SLC26A7: variants seen among roughly 807,000 people sequenced by gnomAD.
SLC26A7 encodes solute carrier family 26 member 7.
SLC26A7 carries 59 observed loss-of-function variants against 82.5 expected under a neutral mutation model. That is an observed-to-expected ratio of 0.72 (90% CI 0.58 to 0.89). The LOEUF (loss-of-function observed/expected upper bound fraction) is 0.89. Ranked by LOEUF, SLC26A7 falls within the 40% of genes least tolerant of loss-of-function variation. The pLI is 0.00. For synonymous variants in SLC26A7, 271 were observed against 274.3 expected, an observed-to-expected ratio of 0.99 and a Z score of 0.12; for missense variants, 820 against 793.0, an observed-to-expected ratio of 1.03 and a Z score of -0.41.
At chr8:91,214,341 C>T (rs959754346) in intron 1 of SLC26A7, among the ~76,000 whole-genome samples, 2 of 152,092 alleles carry the variant, frequency 1.3e-5, no homozygotes, top group African/African-American at 2.4e-5. Flanking sequence ...CAAGTGAATA[C>T]GTTTAACCCT....
At chr8:91,377,336 T>G (rs1814545785) in intron 15 of SLC26A7, among the ~76,000 whole-genome samples, 1 of 152,100 alleles carries the variant, frequency 6.6e-6, no homozygotes, top group Admixed American at 6.5e-5. Flanking sequence ...CTACGTTTCC[T>G]TTGTCCCAGG....
chr8:91,332,449 T>TTTAA (rs1813116245), intron 5 of SLC26A7, among the ~76,000 whole-genome samples: 1 of 142,738 alleles, frequency 7.0e-6, no homozygotes. Flanking sequence ...TTAATATATA[T>TTTAA]TGAATATATA....
chr8:91,271,670 C>A (rs949443194), intron 2 of SLC26A7, among the ~76,000 whole-genome samples: 2 of 148,750 alleles, frequency 1.3e-5, no homozygotes, highest in Non-Finnish European at 3.0e-5. Context: ...TCTTGGCTCA[C>A]TGGAAGTTCT....
At chr8:91,259,562 ATCTGAATC>A (rs1810903383) in intron 2 of SLC26A7, among the ~76,000 whole-genome samples, 4 of 152,122 alleles carry the variant, frequency 2.6e-5, no homozygotes, top group Admixed American at 2.6e-4. Flanking sequence ...GCCCTTCAAT[ATCTGAATC>A]TCACCTTTCC....
intron 4 of SLC26A7, among the ~76,000 whole-genome samples, chr8:91,305,742 T>G (rs542642394): frequency 6.6e-6 from 1 of 152,294 alleles, no homozygotes; most frequent in South Asian, 2.1e-4. Flanking sequence ...TACACAAAAC[T>G]TAGATAGACA....
At chr8:91,352,875 T>C in intron 10 of SLC26A7, 26 bp from the exon 11 acceptor site, 1 of 1,557,766 alleles carries the variant, frequency 6.4e-7, no homozygotes, top group Non-Finnish European at 8.7e-7. Flanking sequence ...ATGTTGCTTC[T>C]TCTTCAACTT....
At position 91,289,163 on chromosome 8, in the gene SLC26A7, T is replaced by G. The variant is rs777254486; in HGVS notation, c.221T>G (p.Val74Gly). 2.5e-6 allele frequency: 4 copies of G among 1,614,076 alleles called. No individual in the cohort carries two copies. In the East Asian group the frequency reaches 8.9e-5, roughly 36 times the overall value. ...QGLAFAVLSS[V>G]HPVFGLYGSL... ...TTGGCCTTTGCTGTTCTCTCATCTG[T>G]GCACCCAGTGTTTGGTTTATATGGG... The change falls in exon 3 of 19, where the codon GTG (valine) becomes GGG (glycine). Residue 74 changes from valine (V) to glycine (G), a missense_variant. Physicochemically the swap from Val to Gly is moderately radical, Grantham distance 109. Transcript: ENST00000276609.
rs1406653354 is a variant in SLC26A7 at position 91,340,545 on chromosome 8, C to T, written c.1020C>T (p.Asp340=). The change falls in exon 8 of 19, where the codon GAC becomes GAT. Residue 340 remains aspartate, a synonymous_variant. Transcript: ENST00000276609. Reference sequence around the variant, plus strand: ...AAAAATTCAAATATTCAATTGATGACAACCAGGTGGAGTGTGCCCCCAGTC... The same window carrying T: ...AAAAATTCAAATATTCAATTGATGATAACCAGGTGGAGTGTGCCCCCAGTC... ...SAKKFKYSID[D]NQEFLAHGLS... is the part of the protein sequence containing the mutation. The T allele has an allele frequency of 6.2e-7, 1 of 1,613,706 alleles. No individual in the cohort carries two copies. The highest frequency in any genetic ancestry group is 1.3e-5 in the African/African-American group (1 of 74,886).
chr8:91,338,030 C>G lies in SLC26A7; in HGVS notation c.796-120C>G, dbSNP rs1463005320. The stretch of plus-strand genomic sequence containing the variant: ...TTATTTTTGAAAGTCTGTGCAACTG[C>G]TAGATTATTCTTGATGTTTATGGGA... On this transcript the variant is annotated intron_variant, in intron 6 of 18. Coordinates refer to ENST00000276609, the MANE Select transcript of SLC26A7 (RefSeq NM_052832.4). 2 of 538,386 alleles carry G rather than the reference C, an allele frequency of 3.7e-6. 1 individual carries two copies. The highest frequency in any genetic ancestry group is 6.0e-6 in the Non-Finnish European group (2 of 332,384). 33.4% of individuals were successfully genotyped at this position (538,386 alleles called of 1,614,324 possible). A position where few individuals can be genotyped will look rare whatever the true frequency, so the allele number is the denominator to read the frequency against.
At chr8:91,222,139 G>A (rs1178719856) in intron 2 of SLC26A7, among the ~76,000 whole-genome samples, 1 of 152,120 alleles carries the variant, frequency 6.6e-6, no homozygotes, top group East Asian at 1.9e-4. Flanking sequence ...TAGCAATTGT[G>A]AATGGGAGTT....
chr8:91,235,165 C>A (rs1033920598), intron 2 of SLC26A7, among the ~76,000 whole-genome samples: 3 of 152,144 alleles, frequency 2.0e-5, no homozygotes, highest in African/African-American at 7.2e-5. Flanking sequence ...CTCAAGCAAT[C>A]CTTTCACCTC....
chr8:91,256,586 A>G (rs551860733), intron 2 of SLC26A7, among the ~76,000 whole-genome samples: 3 of 152,196 alleles, frequency 2.0e-5, no homozygotes, highest in Admixed American at 1.3e-4. Context: ...CAGGACCTCC[A>G]CAGCCTGACA....
chr8:91,291,068 T>C (rs1811854749), intron 3 of SLC26A7, among the ~76,000 whole-genome samples: 2 of 152,198 alleles, frequency 1.3e-5, no homozygotes, highest in South Asian at 4.1e-4. Context: ...TATATGTTTA[T>C]GCATATTTGT....
chr8:91,318,131 A>G lies in SLC26A7; in HGVS notation c.478-85A>G, dbSNP rs550088896. 170 of 1,144,422 alleles carry G rather than the reference A, an allele frequency of 1.5e-4. 2 individuals are homozygous for G. The East Asian group carries it at 4.1e-3, about 28-fold the overall frequency. 70.9% of individuals were successfully genotyped at this position (1,144,422 alleles called of 1,614,324 possible). On this transcript the variant is annotated intron_variant, in intron 4 of 18. Coordinates refer to ENST00000276609, the MANE Select transcript of SLC26A7 (RefSeq NM_052832.4). ...TTCTCTATGATTCTATCAAATGAAA[A>G]TGAGAATGTGTCAAATATTAAGCCC...
chr8:91,224,355 G>C (rs897955544), intron 2 of SLC26A7, among the ~76,000 whole-genome samples: 1 of 152,064 alleles, frequency 6.6e-6, no homozygotes, highest in Non-Finnish European at 1.5e-5. Flanking sequence ...CTTGGATGGG[G>C]TTTTTTTGTG....
intron 7 of SLC26A7, among the ~76,000 whole-genome samples, chr8:91,338,827 G>A (rs1296759109): frequency 6.6e-6 from 1 of 152,024 alleles, no homozygotes; most frequent in African/African-American, 2.4e-5. Flanking sequence ...ATGAGGGAAG[G>A]AGGACAGTGT....
chr8:91,376,643 CCTT>C (rs1051629713), intron 15 of SLC26A7, among the ~76,000 whole-genome samples: 1 of 152,226 alleles, frequency 6.6e-6, no homozygotes, highest in African/African-American at 2.4e-5. Context: ...ATCACTGTGT[CCTT>C]CTGGCAGCAA....
chr8:91,244,140 T>A (rs1335740209), intron 2 of SLC26A7, among the ~76,000 whole-genome samples: 5 of 152,210 alleles, frequency 3.3e-5, no homozygotes, highest in African/African-American at 1.2e-4. Context: ...CCTAAATGTG[T>A]ATTGGGTAAA....
upstream of SLC26A7, among the ~76,000 whole-genome samples, chr8:91,247,452 A>G (rs1313135396): frequency 6.6e-6 from 1 of 152,158 alleles, no homozygotes; most frequent in Non-Finnish European, 1.5e-5. Flanking sequence ...TGCTGATTAT[A>G]AATAGGCATG....
Sources: gnomAD v4.1 joint callset for allele counts (sites outside exome capture counted in the v4.1 genomes callset) on GRCh38, gnomAD v4.1.1 for gene constraint, MANE v1.5 for transcripts, NCBI Gene and HGNC (gene_info 2026-07-23, HGNC 2026-07-21) for gene names.